FANCM: variants seen among roughly 807,000 people sequenced by gnomAD.
FANCM encodes Fanconi anemia group M protein.
Under a neutral mutation model 199.5 loss-of-function variants are expected in FANCM, and 140 were observed. The ratio of observed to expected loss-of-function variants is 0.70; its 90% CI spans 0.61 to 0.81. FANCM has a LOEUF of 0.81. FANCM is among the 30% of genes least tolerant of loss of function. The pLI, the probability that FANCM is intolerant of heterozygous loss-of-function variation, is 0.00. For synonymous variants in FANCM, 840 were observed against 836.8 expected (o/e 1.00, Z -0.07); for missense variants, 2,410 against 2,421.4 (o/e 1.00, Z 0.10).
intron 3 of FANCM, among the ~76,000 whole-genome samples, chr14:45,147,285 CTTTCTTTTTTTCT>C (rs1886469884): frequency 6.6e-6 from 1 of 150,940 alleles, no homozygotes; most frequent in South Asian, 2.1e-4. Flanking sequence ...GCCCTCAAAG[CTTTCTTTTTTTCT>C]TTTCTTTTTC....
intron 5 of FANCM, among the ~76,000 whole-genome samples, chr14:45,153,494 A>G (rs1294570075): frequency 1.3e-5 from 2 of 152,224 alleles, no homozygotes; most frequent in Non-Finnish European, 2.9e-5. Flanking sequence ...GATAGGCCAT[A>G]TCTAACTTAT....
chr14:45,159,673 G>A (rs933209045), intron 9 of FANCM, among the ~76,000 whole-genome samples: 7 of 151,982 alleles, frequency 4.6e-5, no homozygotes, highest in South Asian at 4.2e-4. Context: ...TTATTAAGTC[G>A]CTTTAATAAT....
intron 12 of FANCM, among the ~76,000 whole-genome samples, chr14:45,172,640 A>G (rs1373978546): frequency 2.6e-5 from 4 of 152,178 alleles, no homozygotes; most frequent in African/African-American, 9.7e-5. Context: ...TATATTTAAA[A>G]CTTTAAATTT....
At chr14:45,148,200 A>AACACACAC (rs200351777) in intron 3 of FANCM, among the ~76,000 whole-genome samples, 1,921 of 142,418 alleles carry the variant, frequency 0.013, 49 homozygotes, top group African/African-American at 0.046. Flanking sequence ...CCGTCTCAAA[A>AACACACAC]ACACACACAC....
chr14:45,178,265 A>G (rs999073887), intron 14 of FANCM, among the ~76,000 whole-genome samples: 5 of 152,226 alleles, frequency 3.3e-5, no homozygotes, highest in African/African-American at 1.2e-4. Context: ...GGGTTGTGCC[A>G]TGACATATAT....
At chr14:45,143,020 T>C (rs1288441193) in intron 3 of FANCM, among the ~76,000 whole-genome samples, 1 of 152,076 alleles carries the variant, frequency 6.6e-6, no homozygotes, top group Admixed American at 6.5e-5. Context: ...TCTTTCTCTC[T>C]TTTATATGCA....
chr14:45,147,907 C>CCCA (rs1336126075), intron 3 of FANCM, among the ~76,000 whole-genome samples: 55 of 142,998 alleles, frequency 3.8e-4, no homozygotes, highest in African/African-American at 1.3e-3. Flanking sequence ...GCCCCCCCCC[C>CCCA]AAAAAAAAAG....
At chr14:45,146,328 T>G (rs1445438515) in intron 3 of FANCM, among the ~76,000 whole-genome samples, 1 of 151,940 alleles carries the variant, frequency 6.6e-6, no homozygotes, top group Non-Finnish European at 1.5e-5. Context: ...CTGTGATTGC[T>G]CACTTGATTT....
At position 45,155,378 on chromosome 14, in the gene FANCM, A is replaced by G. The variant is rs2139173788; in HGVS notation, c.1315A>G (p.Lys439Glu). The G allele has an allele frequency of 7.6e-7, 1 of 1,318,314 alleles. No individual in the cohort carries two copies. The highest frequency in any genetic ancestry group is 1.1e-6 in the Non-Finnish European group (1 of 915,084). The allele number at this position is 1,318,314 out of a possible 1,614,324, so 81.7% of individuals were successfully genotyped here. A position where few individuals can be genotyped will look rare whatever the true frequency, so the allele number is the denominator to read the frequency against. ...NGISAIQQGD[K>E]NKKFVYSHPK... is the part of the protein sequence containing the mutation. ...ATATTTTTGTTTTGTTCCAGGAGAT[A>G]AAAATAAAAAATTTGTTTATAGTCA... The change falls in exon 8 of 23, where the codon AAA becomes GAA. Residue 439 changes from lysine (K) to glutamate (E), a missense_variant. Physicochemically the swap from Lys to Glu is moderately conservative, Grantham distance 56. Transcript: ENST00000267430.
chr14:45,163,147 G>C (rs1887724801), intron 9 of FANCM, among the ~76,000 whole-genome samples: 1 of 152,168 alleles, frequency 6.6e-6, no homozygotes, highest in South Asian at 2.1e-4. Context: ...GATTAAGTTA[G>C]GTTTTTGGAG....
intron 11 of FANCM, 59 bp from the exon 12 acceptor site, chr14:45,170,530 G>GT: frequency 2.3e-6 from 3 of 1,297,002 alleles, no homozygotes; most frequent in East Asian, 2.4e-5. Flanking sequence ...GATATTGTGG[G>GT]TTTTTTTGCT....
At chr14:45,173,486 T>C (rs566992391) in intron 13 of FANCM, among the ~76,000 whole-genome samples, 1 of 152,360 alleles carries the variant, frequency 6.6e-6, no homozygotes, top group East Asian at 1.9e-4. Flanking sequence ...TAGGATTCTT[T>C]TGGATTCGGA....
Position 45,189,202 on chromosome 14 carries a change from T to C in FANCM, c.5180T>C (p.Leu1727Ser). The C allele has an allele frequency of 6.2e-7, 1 of 1,614,198 alleles. No individual in the cohort carries two copies. The highest frequency in any genetic ancestry group is 8.5e-7 in the Non-Finnish European group (1 of 1,180,032). The change falls in exon 20 of 23, where the codon TTA becomes TCA. Residue 1727 changes from leucine to serine, a missense_variant. By Grantham distance (145) the Leu-to-Ser change is moderately radical. Transcript: ENST00000267430. ...KVRSTPRVNP[L>S]AKQSKQTSLN... ...CGTTCTACTCCAAGAGTTAATCCAT[T>C]AGCAAAGCAGAGCAAACAGACATCG...
At position 45,176,852 on chromosome 14, in the gene FANCM, A is replaced by T. The variant is rs550675560; in HGVS notation, c.4098A>T (p.Glu1366Asp). The change falls in exon 14 of 23, where the codon GAA (glutamate) becomes GAT (aspartate). Residue 1366 changes from glutamate to aspartate, a missense_variant. By Grantham distance (45) the Glu-to-Asp change is conservative. Transcript: ENST00000267430. ...TTAAGACACCAGATTCTAGTAAGGAAAAAGTAAACCTACAAAGATTCAAAG... is the reference window on the plus strand; with the variant it reads ...TTAAGACACCAGATTCTAGTAAGGATAAAGTAAACCTACAAAGATTCAAAG... Reference protein sequence around the residue: ...EILKTPDSSKEKVNLQRFKEA... With the variant: ...EILKTPDSSKDKVNLQRFKEA... The T allele has an allele frequency of 6.0e-5, 97 of 1,607,508 alleles. No individual in the cohort carries two copies. The South Asian group carries it at 1.0e-3, about 17-fold the overall frequency.
chr14:45,160,577 C>T (rs1362525003), intron 9 of FANCM, among the ~76,000 whole-genome samples: 3 of 150,630 alleles, frequency 2.0e-5, no homozygotes, highest in Admixed American at 6.6e-5. Flanking sequence ...CGGAGTCTCG[C>T]TCTGTTGCCG....
At chr14:45,195,375 C>T (rs951832432) in intron 20 of FANCM, 1 of 364,088 alleles carries the variant, frequency 2.7e-6, no homozygotes, top group South Asian at 2.1e-5. Context: ...TCTTACCTCT[C>T]TACCAGATAT....
intron 10 of FANCM, 86 bp from the exon 11 acceptor site, chr14:45,166,864 T>G: frequency 2.5e-6 from 2 of 811,986 alleles, no homozygotes; most frequent in Non-Finnish European, 4.1e-6. Flanking sequence ...ATGTTTACAA[T>G]AAATCCAAAC....
chr14:45,195,060 T>C lies in FANCM; in HGVS notation c.5341-1112T>C, dbSNP rs150003311. ...CACCGCTGTATCATATTTTTATTACTACCAGCACTGTAAAAGAATTTCTGA... is the reference window on the plus strand; with the variant it reads ...CACCGCTGTATCATATTTTTATTACCACCAGCACTGTAAAAGAATTTCTGA... On this transcript the variant is annotated intron_variant, in intron 20 of 22. Transcript: ENST00000267430. 4.9e-3 allele frequency among the ~76,000 whole-genome samples: 745 copies of C among 152,334 alleles called. 9 individuals carry two copies. Among genetic ancestry groups the C allele is most frequent in the African/African-American group, 0.017 (702 of 41,570 alleles).
rs1890314551 is a variant in FANCM at position 45,200,855 on chromosome 14, CTG to C, written c.*850_*851del. 1 of 152,064 alleles carries C rather than the reference CTG, an allele frequency of 6.6e-6. No individual in the cohort carries two copies. Among genetic ancestry groups the C allele is most frequent in the Non-Finnish European group, 1.5e-5 (1 of 68,042 alleles). 9.4% of individuals were successfully genotyped at this position (152,064 alleles called of 1,614,324 possible). A position where few individuals can be genotyped will look rare whatever the true frequency, so the allele number is the denominator to read the frequency against. ...CCGAGGCCTCCCCAGCCATGCAGGACTGTGAGTCAATTAAACATCTTTTCCTT... is the reference window on the plus strand; with the variant it reads ...CCGAGGCCTCCCCAGCCATGCAGGACTGAGTCAATTAAACATCTTTTCCTT... On this transcript the variant is annotated 3_prime_UTR_variant, in exon 23 of 23. Coordinates refer to ENST00000267430, the MANE Select transcript of FANCM (RefSeq NM_020937.4).
Sources: allele counts gnomAD v4.1 joint callset (sites outside exome capture counted in the v4.1 genomes callset), GRCh38; gene constraint gnomAD v4.1.1; transcripts MANE v1.5; gene names NCBI Gene and HGNC (gene_info 2026-07-23, HGNC 2026-07-21).